GPR158: variants seen among roughly 807,000 people sequenced by gnomAD.
The protein encoded by GPR158 is G protein-coupled receptor 158.
Under a neutral mutation model 78.2 loss-of-function variants are expected in GPR158, and 30 were observed. That is an observed-to-expected ratio of 0.38 (90% confidence interval 0.29 to 0.52). GPR158 has a LOEUF of 0.52. GPR158 is among the 20% of genes least tolerant of loss of function. GPR158 has a pLI of 0.83. For missense variants in GPR158, 1,463 were observed against 1,523.5 expected, an observed-to-expected ratio of 0.96 and a Z score of 0.66; for synonymous variants, 581 against 591.1, an observed-to-expected ratio of 0.98 and a Z score of 0.25.
At chr10:25,312,991 G>C (rs1854788579) in intron 2 of GPR158, among the ~76,000 whole-genome samples, 1 of 151,906 alleles carries the variant, frequency 6.6e-6, no homozygotes, top group African/African-American at 2.4e-5. Flanking sequence ...TTGGCATTGA[G>C]GACCTCTTGA....
At chr10:25,325,727 C>A (rs1341324389) in intron 2 of GPR158, among the ~76,000 whole-genome samples, 2 of 152,116 alleles carry the variant, frequency 1.3e-5, no homozygotes, top group East Asian at 3.9e-4. Context: ...ACATTCCCAC[C>A]AACAGTGTAT....
chr10:25,305,304 G>C (rs1854656837), intron 2 of GPR158, among the ~76,000 whole-genome samples: 1 of 152,146 alleles, frequency 6.6e-6, no homozygotes, highest in Admixed American at 6.5e-5. Context: ...TGTATATTCA[G>C]TAGTTCATTC....
At chr10:25,257,806 G>A (rs1369680308) in intron 2 of GPR158, among the ~76,000 whole-genome samples, 1 of 152,116 alleles carries the variant, frequency 6.6e-6, no homozygotes, top group Admixed American at 6.5e-5. Context: ...GTTCTCATAT[G>A]AATATATCAC....
intron 2 of GPR158, among the ~76,000 whole-genome samples, chr10:25,250,535 A>G (rs909956481): frequency 6.8e-6 from 1 of 146,120 alleles, no homozygotes; most frequent in African/African-American, 2.6e-5. Context: ...TTGGTTTCAA[A>G]GAACATCTTT....
At chr10:25,284,935 C>T (rs1854327454) in intron 2 of GPR158, among the ~76,000 whole-genome samples, 1 of 151,918 alleles carries the variant, frequency 6.6e-6, no homozygotes, top group South Asian at 2.1e-4. Context: ...TGTTATTTTA[C>T]TTTCCTATAT....
At chr10:25,194,774 C>T (rs1852822832) in intron 1 of GPR158, among the ~76,000 whole-genome samples, 2 of 152,064 alleles carry the variant, frequency 1.3e-5, no homozygotes. Flanking sequence ...TTTCTTTACC[C>T]TCTCCATTGT....
At chr10:25,249,726 G>C (rs1853762590) in intron 2 of GPR158, among the ~76,000 whole-genome samples, 1 of 151,918 alleles carries the variant, frequency 6.6e-6, no homozygotes, top group Non-Finnish European at 1.5e-5. Context: ...GTATTTTATT[G>C]ATGATTTTTG....
At chr10:25,502,923 C>T (rs1486662491) in intron 5 of GPR158, among the ~76,000 whole-genome samples, 1 of 152,148 alleles carries the variant, frequency 6.6e-6, no homozygotes, top group East Asian at 1.9e-4. Context: ...ATAGAAAGTT[C>T]CCAAGCCACC....
At chr10:25,554,803 GC>G (rs1344090559) in intron 6 of GPR158, among the ~76,000 whole-genome samples, 1 of 152,076 alleles carries the variant, frequency 6.6e-6, no homozygotes, top group Non-Finnish European at 1.5e-5. Context: ...TTTTGTCACT[GC>G]CATTGTTTAG....
At position 25,313,240 on chromosome 10, in the gene GPR158, G is replaced by A. The variant is rs191976548; in HGVS notation, c.1009-82671G>A. ...TTTATCATGTTTAAAAAGCACTGGG[G>A]ACTGTTGTGGGGTGGGGGGAGGGGG... On this transcript the variant is annotated intron_variant, in intron 2 of 10. Coordinates refer to ENST00000376351, the MANE Select transcript of GPR158 (RefSeq NM_020752.3). Among the ~76,000 whole-genome samples, 627 of 123,330 alleles carry A rather than the reference G, an allele frequency of 5.1e-3. 5 individuals carry two copies. The highest frequency in any genetic ancestry group is 0.018 in the African/African-American group (582 of 32,276). The allele number at this position is 123,330 out of a possible 152,430, so 80.9% of individuals were successfully genotyped here.
At chr10:25,251,011 T>C (rs904948271) in intron 2 of GPR158, among the ~76,000 whole-genome samples, 5 of 151,832 alleles carry the variant, frequency 3.3e-5, no homozygotes, top group African/African-American at 1.2e-4. Flanking sequence ...ATTGGGTGCA[T>C]ATATATTTAG....
chr10:25,516,165 C>T (rs1374852632), intron 5 of GPR158, among the ~76,000 whole-genome samples: 2 of 151,864 alleles, frequency 1.3e-5, no homozygotes, highest in Non-Finnish European at 2.9e-5. Flanking sequence ...GCATAAATGT[C>T]TTCTTTTGAG....
chr10:25,582,587 ATAAAG>A (rs928584114), intron 7 of GPR158, among the ~76,000 whole-genome samples: 15 of 152,316 alleles, frequency 9.8e-5, no homozygotes, highest in African/African-American at 3.6e-4. Flanking sequence ...TGGTAAGAGA[ATAAAG>A]TAATCAAGTC....
intron 2 of GPR158, among the ~76,000 whole-genome samples, chr10:25,230,810 T>C (rs964016891): frequency 6.6e-6 from 1 of 152,210 alleles, no homozygotes; most frequent in Non-Finnish European, 1.5e-5. Flanking sequence ...GTCACGGTTA[T>C]TCAGTCACAC....
chr10:25,457,293 C>G (rs1300424283), intron 4 of GPR158, among the ~76,000 whole-genome samples: 5 of 151,898 alleles, frequency 3.3e-5, no homozygotes, highest in African/African-American at 1.2e-4. Flanking sequence ...TGCGTCTGGC[C>G]TGTTAATAGC....
intron 5 of GPR158, among the ~76,000 whole-genome samples, chr10:25,521,787 G>A (rs542093321): frequency 6.6e-6 from 1 of 152,222 alleles, no homozygotes; most frequent in East Asian, 1.9e-4. Context: ...TTAGTAGACT[G>A]TTATCTTGCT....
intron 5 of GPR158, among the ~76,000 whole-genome samples, chr10:25,515,156 A>G (rs1354707199): frequency 6.6e-6 from 1 of 151,808 alleles, no homozygotes; most frequent in Non-Finnish European, 1.5e-5. Context: ...AGCTTTGGTC[A>G]TTTAACATAA....
chr10:25,286,095 A>T (rs547711922), intron 2 of GPR158, among the ~76,000 whole-genome samples: 5 of 152,202 alleles, frequency 3.3e-5, no homozygotes, highest in Non-Finnish European at 5.9e-5. Flanking sequence ...TTTGAATATG[A>T]TATGCCTATA....
chr10:25,378,387 C>G (rs1465919064), intron 2 of GPR158, among the ~76,000 whole-genome samples: 3 of 142,564 alleles, frequency 2.1e-5, no homozygotes, highest in Non-Finnish European at 4.6e-5. Context: ...GGAAAAACTA[C>G]ATAACAATGA....
Sources: allele counts gnomAD v4.1 joint callset (sites outside exome capture counted in the v4.1 genomes callset), GRCh38; gene constraint gnomAD v4.1.1; transcripts MANE v1.5; gene names NCBI Gene and HGNC (gene_info 2026-07-23, HGNC 2026-07-21).